FRMPD4: variants seen among roughly 807,000 people sequenced by gnomAD.
The protein encoded by FRMPD4 is FERM and PDZ domain-containing protein 4.
FRMPD4 carries 22 observed loss-of-function variants against 94.1 expected under a neutral mutation model. The ratio of observed to expected loss-of-function variants is 0.23; its 90% confidence interval spans 0.17 to 0.33. The LOEUF (loss-of-function observed/expected upper bound fraction) is 0.33, where lower values mean the gene tolerates loss of function less well. Among genes scored for constraint, FRMPD4 ranks in the 10% least tolerant of loss-of-function variants. The pLI, the probability that FRMPD4 is intolerant of heterozygous loss-of-function variation, is 1.00. For synonymous variants in FRMPD4, 631 were observed against 548.6 expected, an observed-to-expected ratio of 1.15 and a Z score of -2.10; for missense variants, 1,111 against 1,339.9, an observed-to-expected ratio of 0.83 and a Z score of 2.67.
chrX:12,370,958 T>C (rs1008998571), intron 1 of FRMPD4, among the ~76,000 whole-genome samples: 3 of 112,143 alleles, frequency 2.7e-5, no homozygotes, highest in African/African-American at 9.7e-5. Context: ...GCAAGTGATA[T>C]AGTAGTATCA....
At chrX:12,255,084 A>T (rs185336858) in intron 1 of FRMPD4, among the ~76,000 whole-genome samples, 1 of 111,642 alleles carries the variant, frequency 9.0e-6, no homozygotes, top group Non-Finnish European at 1.9e-5. Flanking sequence ...GAGTAGAAAA[A>T]GCACTTAATT....
At position 12,038,976 on chromosome X, in the gene FRMPD4, A is replaced by G. The variant is rs1229229669; in HGVS notation, c.95+160958A>G. 1.0e-4 allele frequency among the ~76,000 whole-genome samples: 10 copies of G among 96,348 alleles called. No individual in the cohort carries two copies. The Admixed American group carries it at 1.1e-3, about 11-fold the overall frequency. 83.7% of individuals were successfully genotyped at this position (96,348 alleles called of 115,157 possible). A position where few individuals can be genotyped will look rare whatever the true frequency, so the allele number is the denominator to read the frequency against. ...TCTCTAGTTTGTTCCTTTTTTTTCT[A>G]ATTTCTTTCTCTTTTTTTGAGACAG... On this transcript the variant is annotated intron_variant, in intron 3 of 18. Transcript: ENST00000640291.
intron 1 of FRMPD4, among the ~76,000 whole-genome samples, chrX:12,231,050 A>AATATAT (rs34870506): frequency 5.2e-4 from 16 of 30,554 alleles, no homozygotes; most frequent in African/African-American, 1.4e-3. Flanking sequence ...ATATATATAA[A>AATATAT]ATATATATAT....
rs192441318 is a variant in FRMPD4, at chrX:12,109,992, C to A, written c.95+231974C>A. 7.3e-4 allele frequency among the ~76,000 whole-genome samples: 82 copies of A among 111,802 alleles called. 1 individual carries two copies. The highest frequency in any genetic ancestry group is 2.5e-3 in the African/African-American group (78 of 30,747). The stretch of plus-strand genomic sequence containing the variant: ...TCACAGCTGAATTCTACCAGAGATA[C>A]AAGGAGGAGCTGGTACCATTCCTTC... On this transcript the variant is annotated intron_variant, in intron 3 of 18. Coordinates refer to the FRMPD4 transcript ENST00000640291.
intron 3 of FRMPD4, among the ~76,000 whole-genome samples, chrX:12,108,690 A>G (rs757460953): frequency 8.9e-6 from 1 of 112,019 alleles, no homozygotes; most frequent in Non-Finnish European, 1.9e-5. Context: ...TCTCATGTGC[A>G]GAGACACACA....
chrX:12,003,620 G>A (rs941933277), intron 3 of FRMPD4, among the ~76,000 whole-genome samples: 4 of 111,553 alleles, frequency 3.6e-5, no homozygotes, highest in South Asian at 3.8e-4. Flanking sequence ...TAACCAGGCC[G>A]ATCTTGAACT....
At chrX:12,678,914 C>A (rs1252502566) in intron 5 of FRMPD4, among the ~76,000 whole-genome samples, 2 of 112,691 alleles carry the variant, frequency 1.8e-5, no homozygotes. Flanking sequence ...GTTCTGGTGT[C>A]CCATGAGCTA....
intron 1 of FRMPD4, among the ~76,000 whole-genome samples, chrX:12,409,138 G>A (rs748290822): frequency 9.0e-5 from 10 of 111,695 alleles, no homozygotes; most frequent in Non-Finnish European, 1.9e-4. Context: ...TCCCACAACA[G>A]AAGGCATGTA....
intron 14 of FRMPD4, among the ~76,000 whole-genome samples, chrX:12,711,752 C>T (rs1346650326): frequency 9.1e-6 from 1 of 109,413 alleles, no homozygotes; most frequent in Non-Finnish European, 1.9e-5. Context: ...TCTCTCCCTT[C>T]CCCCCAACCC....
chrX:12,350,946 C>T (rs756020719), intron 1 of FRMPD4, among the ~76,000 whole-genome samples: 10 of 111,918 alleles, frequency 8.9e-5, no homozygotes, highest in East Asian at 2.8e-4. Flanking sequence ...GAGGCCAAGG[C>T]GGGCAGATCA....
intron 1 of FRMPD4, among the ~76,000 whole-genome samples, chrX:12,240,675 T>C (rs1468892278): frequency 8.9e-6 from 1 of 112,511 alleles, no homozygotes; most frequent in Non-Finnish European, 1.9e-5. Flanking sequence ...TGGGGCTTTT[T>C]ATAGATCAAG....
intron 1 of FRMPD4, among the ~76,000 whole-genome samples, chrX:12,377,367 T>C (rs1384273384): frequency 8.9e-6 from 1 of 112,416 alleles, no homozygotes; most frequent in Non-Finnish European, 1.9e-5. Flanking sequence ...ATGTTGGCCA[T>C]GGCCTGGTAG....
intron 3 of FRMPD4, among the ~76,000 whole-genome samples, chrX:11,909,432 T>A (rs1193677944): frequency 2.7e-5 from 3 of 111,683 alleles, no homozygotes; most frequent in Non-Finnish European, 5.7e-5. Flanking sequence ...ATATGTATAT[T>A]TCTTTTTTTT....
intron 3 of FRMPD4, among the ~76,000 whole-genome samples, chrX:12,037,789 G>A: frequency 9.0e-6 from 1 of 110,746 alleles, no homozygotes; most frequent in Non-Finnish European, 1.9e-5. Flanking sequence ...GCATTCATGT[G>A]TTCTCATCAT....
intron 10 of FRMPD4, 38 bp downstream of exon 10, chrX:12,702,048 A>G (rs1414099787): frequency 8.5e-7 from 1 of 1,172,084 alleles, no homozygotes; most frequent in Non-Finnish European, 1.2e-6. Flanking sequence ...GGAGACAGAC[A>G]TGCCGCCTCC....
intron 3 of FRMPD4, among the ~76,000 whole-genome samples, chrX:12,084,429 G>A (rs1267145207): frequency 9.1e-6 from 1 of 110,249 alleles, no homozygotes; most frequent in Non-Finnish European, 1.9e-5. Flanking sequence ...GTCTTTGTCA[G>A]CAATGTGAAA....
At chrX:12,018,970 A>G (rs1438523838) in intron 3 of FRMPD4, among the ~76,000 whole-genome samples, 4 of 111,933 alleles carry the variant, frequency 3.6e-5, no homozygotes, top group Non-Finnish European at 7.5e-5. Flanking sequence ...GTAGAAAGGC[A>G]GTACAGTGCA....
At chrX:12,346,377 T>G (rs1421486563) in intron 1 of FRMPD4, among the ~76,000 whole-genome samples, 2 of 111,097 alleles carry the variant, frequency 1.8e-5, no homozygotes, top group African/African-American at 6.5e-5. Context: ...GAATGTATTA[T>G]AGACAAGGCT....
At chrX:11,896,981 A>T (rs768533378) in intron 3 of FRMPD4, among the ~76,000 whole-genome samples, 1 of 111,075 alleles carries the variant, frequency 9.0e-6, no homozygotes, top group South Asian at 3.9e-4. Flanking sequence ...AGTAGTGAGG[A>T]CTTAAACTGG....
Sources: gnomAD v4.1 joint callset for allele counts (sites outside exome capture counted in the v4.1 genomes callset) on GRCh38, gnomAD v4.1.1 for gene constraint, MANE v1.5 for transcripts, NCBI Gene and HGNC (gene_info 2026-07-23, HGNC 2026-07-21) for gene names.